The following TCERG1L variants were observed in gnomAD, a reference collection of about 807,000 sequenced individuals.
TCERG1L encodes the protein transcription elongation regulator 1-like protein.
Under a neutral mutation model 56.3 loss-of-function variants are expected in TCERG1L, and 37 were observed. The ratio of observed to expected loss-of-function variants is 0.66; its 90% CI spans 0.51 to 0.87. TCERG1L has a LOEUF of 0.87. Among genes scored for constraint, TCERG1L ranks in the 40% least tolerant of loss-of-function variants. The probability of loss-of-function intolerance (pLI) is 0.00; values close to 1 mark genes in which losing one functional copy is unlikely to be tolerated. For synonymous variants in TCERG1L, 324 were observed against 326.3 expected (o/e 0.99, Z 0.08); for missense variants, 799 against 774.2 (o/e 1.03, Z -0.38).
intron 9 of TCERG1L, among the ~76,000 whole-genome samples, chr10:131,107,481 T>A (rs61862986): frequency 0.14 from 20,914 of 151,878 alleles, 1,732 homozygotes; most frequent in Middle Eastern, 0.21. Context: ...CAGGGAAGGG[T>A]GAGAGCACAG....
intron 7 of TCERG1L, among the ~76,000 whole-genome samples, chr10:131,140,366 G>C (rs1166293677): frequency 6.6e-6 from 1 of 152,136 alleles, no homozygotes; most frequent in African/African-American, 2.4e-5. Flanking sequence ...CTCTCTGATG[G>C]GGCCTCCTGC....
At chr10:131,235,433 G>A (rs974345285) in intron 4 of TCERG1L, among the ~76,000 whole-genome samples, 4 of 152,100 alleles carry the variant, frequency 2.6e-5, no homozygotes, top group African/African-American at 4.8e-5. Flanking sequence ...TTGGTCCAAC[G>A]GTTCCATTTC....
chr10:131,208,783 C>T (rs1489423775), intron 4 of TCERG1L, among the ~76,000 whole-genome samples: 3 of 152,174 alleles, frequency 2.0e-5, no homozygotes, highest in South Asian at 4.1e-4. Flanking sequence ...CTTGGCCGGG[C>T]GCAGTGGCTC....
In TCERG1L at chr10:131,146,614, T is replaced by C. The variant is rs1191357798; in HGVS notation, c.1081A>G (p.Thr361Ala). Residue 361 changes from threonine to alanine, a missense_variant, in exon 7 of 12, where the codon ACG becomes GCG. Physicochemically the swap from Thr to Ala is moderately conservative, Grantham distance 58 (BLOSUM62 0). Transcript: ENST00000368642. ...GDDRVFFFNP[T>A]MHLSVWEKPM... The stretch of plus-strand genomic sequence containing the variant: ...TTCTCCCAGACAGACAGGTGCATCG[T>C]TGGGTTGAAGAAGAAAACTCGGTCA... The C allele has an allele frequency of 1.2e-6, 2 of 1,613,520 alleles. No homozygotes were observed. The highest frequency in any genetic ancestry group is 1.3e-5 in the African/African-American group (1 of 74,834).
chr10:131,169,823 T>C (rs1846070200), intron 4 of TCERG1L, among the ~76,000 whole-genome samples: 1 of 152,206 alleles, frequency 6.6e-6, no homozygotes, highest in African/African-American at 2.4e-5. Flanking sequence ...ACTGGCAGCC[T>C]GCGAGGAGGC....
chr10:131,250,958 C>T (rs920040723), intron 4 of TCERG1L, among the ~76,000 whole-genome samples: 5 of 152,116 alleles, frequency 3.3e-5, no homozygotes, highest in African/African-American at 4.8e-5. Context: ...ATTTCACCAC[C>T]GACACTGGGC....
chr10:131,249,239 G>A (rs1350881531), intron 4 of TCERG1L, among the ~76,000 whole-genome samples: 2 of 152,250 alleles, frequency 1.3e-5, no homozygotes, highest in African/African-American at 2.4e-5. Flanking sequence ...GCAGATATAA[G>A]TGATTGTTCC....
intron 4 of TCERG1L, among the ~76,000 whole-genome samples, chr10:131,175,120 T>G (rs1195718822): frequency 6.6e-6 from 1 of 152,208 alleles, no homozygotes; most frequent in Non-Finnish European, 1.5e-5. Flanking sequence ...TGGGACATTT[T>G]CACCAGCGTG....
At chr10:131,119,749 C>T in intron 8 of TCERG1L, among the ~76,000 whole-genome samples, 1 of 152,196 alleles carries the variant, frequency 6.6e-6, no homozygotes, top group East Asian at 1.9e-4. Context: ...AATTCTAATA[C>T]TTTTAGTAAA....
chr10:131,285,963 C>G (rs904538690), intron 3 of TCERG1L, among the ~76,000 whole-genome samples: 1 of 152,200 alleles, frequency 6.6e-6, no homozygotes, highest in African/African-American at 2.4e-5. Flanking sequence ...TGCTCCAAAA[C>G]AGGACCAGCA....
At chr10:131,184,928 A>C (rs1038898959) in intron 4 of TCERG1L, among the ~76,000 whole-genome samples, 2 of 152,330 alleles carry the variant, frequency 1.3e-5, no homozygotes, top group African/African-American at 4.8e-5. Context: ...TCATGTATAC[A>C]TACACATAAT....
chr10:131,171,796 C>T (rs1406144404), intron 4 of TCERG1L, among the ~76,000 whole-genome samples: 1 of 152,202 alleles, frequency 6.6e-6, no homozygotes, highest in African/African-American at 2.4e-5. Flanking sequence ...GTGTCGAACT[C>T]CTGACCTCAG....
At chr10:131,186,749 C>T (rs1318225612) in intron 4 of TCERG1L, among the ~76,000 whole-genome samples, 1 of 152,160 alleles carries the variant, frequency 6.6e-6, no homozygotes, top group Admixed American at 6.5e-5. Flanking sequence ...CTGGGCCTGC[C>T]ACTCGTGCAC....
chr10:131,165,888 A>T (rs1846025576), intron 5 of TCERG1L, among the ~76,000 whole-genome samples: 1 of 152,254 alleles, frequency 6.6e-6, no homozygotes, highest in Non-Finnish European at 1.5e-5. Flanking sequence ...ATAAAAGTGA[A>T]TTAGACTCGA....
intron 8 of TCERG1L, among the ~76,000 whole-genome samples, chr10:131,133,269 A>G (rs75872240): frequency 0.05 from 7,583 of 152,274 alleles, 318 homozygotes; most frequent in South Asian, 0.18. Context: ...GTGAGAATGC[A>G]CACTGGCTCT....
At chr10:131,100,703 CTG>C (rs1845296645) in intron 10 of TCERG1L, among the ~76,000 whole-genome samples, 1 of 152,226 alleles carries the variant, frequency 6.6e-6, no homozygotes, top group East Asian at 1.9e-4. Flanking sequence ...AGAGGAAGGG[CTG>C]TGATTTTCAC....
chr10:131,154,746 G>C (rs1043972231), intron 6 of TCERG1L, among the ~76,000 whole-genome samples: 1 of 152,174 alleles, frequency 6.6e-6, no homozygotes, highest in Non-Finnish European at 1.5e-5. Flanking sequence ...CAGCCCAGCC[G>C]TGTCTGGCCA....
chr10:131,158,736 C>T (rs991895125), intron 6 of TCERG1L, among the ~76,000 whole-genome samples: 1 of 152,236 alleles, frequency 6.6e-6, no homozygotes, highest in Non-Finnish European at 1.5e-5. Context: ...CGGACCACCA[C>T]CCCTGCCTGG....
chr10:131,302,628 T>A (rs1589778190), intron 3 of TCERG1L, among the ~76,000 whole-genome samples: 1 of 129,820 alleles, frequency 7.7e-6, no homozygotes, highest in East Asian at 2.2e-4. Flanking sequence ...TTTTTCTCAA[T>A]TTTTTTTTTT....
Sources: gnomAD v4.1 joint callset for allele counts (sites outside exome capture counted in the v4.1 genomes callset) on GRCh38, gnomAD v4.1.1 for gene constraint, MANE v1.5 for transcripts, NCBI Gene and HGNC (gene_info 2026-07-23, HGNC 2026-07-21) for gene names.